MSL3: variants seen among roughly 807,000 people sequenced by gnomAD.
MSL3 encodes the protein MSL3-like 1.
A neutral mutation model predicts 37.2 loss-of-function variants in MSL3; 5 were observed. The ratio of observed to expected loss-of-function variants is 0.13; its 90% CI spans 0.07 to 0.28. The LOEUF is 0.28. Among genes scored for constraint, MSL3 ranks in the 10% least tolerant of loss-of-function variants. The pLI is 1.00. For missense variants in MSL3, 315 were observed against 408.5 expected (o/e 0.77, Z 1.97); for synonymous variants, 149 against 147.6 (o/e 1.01, Z -0.07).
At chrX:11,773,456 A>G (rs1287729006) in intron 12 of MSL3, among the ~76,000 whole-genome samples, 1 of 112,268 alleles carries the variant, frequency 8.9e-6, no homozygotes, top group Admixed American at 9.4e-5. Flanking sequence ...GATTTACCAC[A>G]GAGTGGAGAG....
chrX:11,764,442 A>T (rs1358575146), intron 8 of MSL3, among the ~76,000 whole-genome samples: 2 of 110,792 alleles, frequency 1.8e-5, no homozygotes, highest in Admixed American at 1.9e-4. Context: ...TTGCTCTGCG[A>T]TGTCACCACT....
chrX:11,769,590 G>C (rs898097096), intron 10 of MSL3, among the ~76,000 whole-genome samples: 4 of 111,440 alleles, frequency 3.6e-5, no homozygotes, highest in Admixed American at 1.9e-4. Context: ...GGCTTTGCTA[G>C]GCAAAGAACA....
At chrX:11,772,543 C>T (rs184285175) in intron 11 of MSL3, 78 bp from the exon 12 acceptor site, 1 of 700,247 alleles carries the variant, frequency 1.4e-6, no homozygotes, top group African/African-American at 2.1e-5. Context: ...AGGAGGGGCC[C>T]AGACCTTCCC....
At chrX:11,772,950 C>T (rs1295864501) in intron 12 of MSL3, among the ~76,000 whole-genome samples, 1 of 111,250 alleles carries the variant, frequency 9.0e-6, no homozygotes, top group Admixed American at 9.5e-5. Context: ...TTTTTTGTCT[C>T]ACTAGAAGAA....
chrX:11,772,087 A>C (rs2053237117), intron 10 of MSL3, 69 bp from the exon 11 acceptor site: 1 of 739,224 alleles, frequency 1.4e-6, no homozygotes, highest in Non-Finnish European at 2.1e-6. Context: ...ATTTACTGTC[A>C]TAATTGTTAG....
chrX:11,760,036 G>A (rs2053115301), intron 2 of MSL3, 161 bp downstream of exon 2: 2 of 576,463 alleles, frequency 3.5e-6, no homozygotes, highest in East Asian at 7.5e-5. Context: ...CACTTGTAGA[G>A]AAGTTTGTTT....
At chrX:11,763,033 T>G (rs1221810223) in intron 7 of MSL3, 36 bp downstream of exon 7, 2 of 1,149,177 alleles carry the variant, frequency 1.7e-6, no homozygotes, top group East Asian at 6.2e-5. Context: ...TGTGGTTCTC[T>G]CTGTATTAGA....
At position 11,762,211 on chromosome X, in the gene MSL3, C is replaced by T; in HGVS notation, c.547C>T (p.Gln183Ter). 1 of 1,164,523 alleles carries T rather than the reference C, an allele frequency of 8.6e-7. No individual in the cohort carries two copies. Among genetic ancestry groups the T allele is most frequent in the Non-Finnish European group, 1.1e-6 (1 of 871,042 alleles). ...AGAAATCCCTGAAGTTCTGAAGAAG[C>T]AGCTGGAGGATGATTGTTACTACAT... Reference protein sequence around the residue: ...TIEIPEVLKKQLEDDCYYINR... With the variant: ...TIEIPEVLKK The change falls in exon 6 of 13, where the codon CAG (glutamine) becomes TAG (stop). Residue 183 changes from glutamine to a stop codon, truncating the protein, a stop_gained. Coordinates refer to ENST00000312196, the MANE Select transcript of MSL3 (RefSeq NM_078629.4). LOFTEE classifies it high-confidence loss of function.
In MSL3 at chrX:11,759,926, G is replaced by A. The variant is rs2053114044; in HGVS notation, c.185+51G>A. 3.4e-6 allele frequency: 4 copies of A among 1,169,260 alleles called. No homozygotes were observed. In the African/African-American group the frequency reaches 7.1e-5, roughly 21 times the overall value. ...GAAAATTGATTGTCTTTGCTGCATA[G>A]AAACATTGCAGACTTAAGTTTCAGA... is the stretch of plus-strand genomic sequence containing the variant. On this transcript the variant is annotated intron_variant, in intron 2 of 12. Transcript: ENST00000312196.
At chrX:11,763,073 C>A in intron 7 of MSL3, 76 bp downstream of exon 7, 1 of 814,989 alleles carries the variant, frequency 1.2e-6, no homozygotes, top group Non-Finnish European at 1.7e-6. Context: ...ACAGGTGACA[C>A]TTGTCTCTAT....
chrX:11,764,008 A>G, intron 8 of MSL3, 70 bp downstream of exon 8: 1 of 930,788 alleles, frequency 1.1e-6, no homozygotes. Context: ...TGTTTTGAAG[A>G]GTTCAATCTG....
intron 1 of MSL3, chrX:11,758,633 CG>C (rs2147240915): frequency 1.7e-6 from 2 of 1,155,905 alleles, no homozygotes; most frequent in African/African-American, 3.6e-5. Flanking sequence ...CCGGGGCTAC[CG>C]TTTGCGCCCC....
chrX:11,765,435 G>A (rs769719976), intron 8 of MSL3, 32 bp from the exon 9 acceptor site: 13 of 1,160,039 alleles, frequency 1.1e-5, no homozygotes, highest in Middle Eastern at 5.0e-4. Flanking sequence ...AAGGCCCTTT[G>A]AGCCATGTGT....
chrX:11,760,640 G>C (rs2053123403), intron 3 of MSL3, 142 bp downstream of exon 3: 1 of 493,901 alleles, frequency 2.0e-6, no homozygotes. Flanking sequence ...AAGGGGAAGA[G>C]TGTTCCTATG....
intron 5 of MSL3, 50 bp downstream of exon 5, chrX:11,761,632 G>T: frequency 1.2e-6 from 1 of 801,657 alleles, no homozygotes; most frequent in Non-Finnish European, 1.8e-6. Flanking sequence ...TATTTTAGTG[G>T]TAAAAATTCA....
At position 11,773,441 on chromosome X, in the gene MSL3, A is replaced by G. The variant is rs1182002319; in HGVS notation, c.1466+736A>G. 3.6e-5 allele frequency among the ~76,000 whole-genome samples: 4 copies of G among 112,163 alleles called. No individual in the cohort carries two copies. The Admixed American group carries it at 3.8e-4, about 11-fold the overall frequency. On this transcript the variant is annotated intron_variant, in intron 12 of 12. Coordinates refer to ENST00000312196, the MANE Select transcript of MSL3 (RefSeq NM_078629.4). Reference sequence around the variant, plus strand: ...ATCCAGGCCCCACCCTGACTTATCAAGTAGGATTTACCACAGAGTGGAGAG... The same window carrying G: ...ATCCAGGCCCCACCCTGACTTATCAGGTAGGATTTACCACAGAGTGGAGAG...
At chrX:11,761,749 G>A (rs1049815022) in intron 5 of MSL3, among the ~76,000 whole-genome samples, 167 bp downstream of exon 5, 2 of 111,514 alleles carry the variant, frequency 1.8e-5, no homozygotes, top group African/African-American at 3.3e-5. Context: ...ATTTATAGTC[G>A]CCGTATGAGT....
chrX:11,774,012 A>G (rs766657689), intron 12 of MSL3, among the ~76,000 whole-genome samples: 5 of 112,453 alleles, frequency 4.4e-5, no homozygotes, highest in Non-Finnish European at 9.4e-5. Context: ...ATTAGTGAAT[A>G]TTGCACATGT....
Position 11,772,170 on chromosome X carries a change from G to T in MSL3, c.1296G>T (p.Lys432Asn). 1 of 1,208,466 alleles carries T rather than the reference G, an allele frequency of 8.3e-7. No individual in the cohort carries two copies. The highest frequency in any genetic ancestry group is 1.8e-5 in the South Asian group (1 of 56,780). The change falls in exon 11 of 13, where the codon AAG (lysine) becomes AAT (asparagine). Residue 432 changes from lysine (K) to asparagine (N), a missense_variant. Lys to Asn is a moderately conservative substitution (Grantham distance 94). Transcript: ENST00000312196. ...GCTTTTTCCAGGTCCTCTCCTGGAAGCTTGTGCCTGACAATTACCCCCCAG... is the reference window on the plus strand; with the variant it reads ...GCTTTTTCCAGGTCCTCTCCTGGAATCTTGTGCCTGACAATTACCCCCCAG... ...TNEINEVLSW[K>N]LVPDNYPPGD...
Sources: allele counts gnomAD v4.1 joint callset (sites outside exome capture counted in the v4.1 genomes callset), GRCh38; gene constraint gnomAD v4.1.1; transcripts MANE v1.5; gene names NCBI Gene and HGNC (gene_info 2026-07-23, HGNC 2026-07-21).